The following ASH1L variants were observed in gnomAD, a reference collection of about 807,000 sequenced individuals.
ASH1L encodes the protein ASH1 like histone lysine methyltransferase, also known as histone-lysine N-methyltransferase ASH1L.
A neutral mutation model predicts 269.0 loss-of-function variants in ASH1L; 23 were observed. That is an observed-to-expected ratio of 0.09 (90% CI 0.06 to 0.12). The LOEUF is 0.12. Ranked by LOEUF, ASH1L falls within the 10% of genes least tolerant of loss-of-function variation. ASH1L has a pLI of 1.00. For missense variants in ASH1L, 2,912 were observed against 3,567.8 expected (o/e 0.82, Z 4.68); for synonymous variants, 1,187 against 1,253.5 (o/e 0.95, Z 1.12).
At chr1:155,468,686 G>C (rs77056155) in intron 3 of ASH1L, among the ~76,000 whole-genome samples, 1,550 of 152,150 alleles carry the variant, frequency 0.01, 27 homozygotes, top group African/African-American at 0.035. Context: ...CAACAATATT[G>C]CAATACCTAT....
intron 7 of ASH1L, among the ~76,000 whole-genome samples, chr1:155,395,007 C>T (rs1307369057): frequency 6.6e-6 from 1 of 152,160 alleles, no homozygotes; most frequent in Non-Finnish European, 1.5e-5. Flanking sequence ...AGGATCATGA[C>T]TACACCATAG....
At chr1:155,450,308 C>T (rs926858810) in intron 4 of ASH1L, among the ~76,000 whole-genome samples, 16 of 152,058 alleles carry the variant, frequency 1.1e-4, no homozygotes, top group African/African-American at 3.1e-4. Flanking sequence ...ACGTGGGATT[C>T]GTAGAGTTTC....
intron 15 of ASH1L, among the ~76,000 whole-genome samples, chr1:155,356,792 T>C (rs1654428461): frequency 6.6e-6 from 1 of 151,686 alleles, no homozygotes; most frequent in Admixed American, 6.6e-5. Context: ...ATTTAGAAAT[T>C]AGGGAACATA....
chr1:155,479,219 A>T lies in ASH1L; in HGVS notation c.3651T>A (p.Phe1217Leu). The T allele has an allele frequency of 6.2e-7, 1 of 1,614,056 alleles. No homozygotes were observed. Among genetic ancestry groups the T allele is most frequent in the Non-Finnish European group, 8.5e-7 (1 of 1,179,982 alleles). ...NNSTSDRAEK[F>L]CGQKKRRHSF... The stretch of plus-strand genomic sequence containing the variant: ...AATGCCTCCTCTTTTTTTGCCCACA[A>T]AATTTCTCTGCCCTGTCTGATGTGC... Residue 1217 changes from phenylalanine to leucine, a missense_variant, in exon 3 of 28, where the codon TTT becomes TTA. Physicochemically the swap from Phe to Leu is conservative, Grantham distance 22 (BLOSUM62 0). Transcript: ENST00000392403.
chr1:155,536,265 C>G (rs180992367), intron 1 of ASH1L, among the ~76,000 whole-genome samples: 1 of 152,092 alleles, frequency 6.6e-6, no homozygotes. Context: ...TGAATGAGTA[C>G]GCAGACTGAG....
chr1:155,376,675 C>T (rs1369954818), intron 10 of ASH1L, among the ~76,000 whole-genome samples: 1 of 149,634 alleles, frequency 6.7e-6, no homozygotes, highest in African/African-American at 2.5e-5. Context: ...GCGACTCTGT[C>T]TCAAAAAAAT....
Position 155,395,463 on chromosome 1 carries a change from A to G in ASH1L, c.6099T>C (p.His2033=). Residue 2033 remains histidine (H), a synonymous_variant, in exon 7 of 28, where the codon CAT becomes CAC. Transcript: ENST00000392403. ...TTGTGTGGACTCGGTACTTACCAAC[A>G]TGAATGGGCGCTGGAAATAATCCAT... ...HEYGLFPAPI[H]VGKYLRQKRI... The G allele has an allele frequency of 6.2e-7, 1 of 1,605,088 alleles. No homozygotes were observed. Among genetic ancestry groups the G allele is most frequent in the Non-Finnish European group, 8.5e-7 (1 of 1,176,380 alleles).
intron 6 of ASH1L, among the ~76,000 whole-genome samples, chr1:155,404,335 G>A (rs1016606668): frequency 6.6e-6 from 1 of 152,052 alleles, no homozygotes; most frequent in Non-Finnish European, 1.5e-5. Flanking sequence ...TAGTCTGGAT[G>A]AGAGGTAGAC....
chr1:155,562,188 A>C lies in ASH1L; in HGVS notation c.-135T>G. 6.2e-7 allele frequency: 1 copy of C among 1,603,596 alleles called. No individual in the cohort carries two copies. The highest frequency in any genetic ancestry group is 8.5e-7 in the Non-Finnish European group (1 of 1,171,670). On this transcript the variant is annotated 5_prime_UTR_variant, in exon 1 of 28. Transcript: ENST00000392403. ...GCCGAGGCCGAGGCCGAGAGCGATGAGAGTGCAGGGAAGTGGGGAAGAGGG... is the reference window on the plus strand; with the variant it reads ...GCCGAGGCCGAGGCCGAGAGCGATGCGAGTGCAGGGAAGTGGGGAAGAGGG...
chr1:155,344,966 G>GT (rs944875184), intron 21 of ASH1L, among the ~76,000 whole-genome samples: 53 of 150,322 alleles, frequency 3.5e-4, no homozygotes, highest in Non-Finnish European at 5.8e-4. Context: ...CCTCAGTTTT[G>GT]TTTTTTTTTG....
intron 3 of ASH1L, among the ~76,000 whole-genome samples, chr1:155,465,599 C>T (rs916846601): frequency 6.6e-6 from 1 of 152,148 alleles, no homozygotes; most frequent in Admixed American, 6.5e-5. Flanking sequence ...AAATAATTTA[C>T]TTTAAAAGTT....
At chr1:155,377,507 A>C (rs536651931) in intron 10 of ASH1L, among the ~76,000 whole-genome samples, 119 of 152,122 alleles carry the variant, frequency 7.8e-4, no homozygotes, top group Admixed American at 1.4e-3. Context: ...AGGTAGGAGG[A>C]CTACTTGAGC....
intron 5 of ASH1L, among the ~76,000 whole-genome samples, chr1:155,436,028 G>C (rs925330191): frequency 7.2e-5 from 11 of 152,270 alleles, no homozygotes; most frequent in African/African-American, 2.6e-4. Context: ...TCCAGGCTGG[G>C]TGACAGAGTG....
rs945714262 is a variant in ASH1L at position 155,562,489 on chromosome 1, G to A, written c.-436C>T. The stretch of plus-strand genomic sequence containing the variant: ...GTGGCGGCGGCAGCTCCTCCAGAGG[G>A]AGGGAGCGAAGGGCGCCTAGCGCCC... On this transcript the variant is annotated 5_prime_UTR_variant, in exon 1 of 28. Transcript: ENST00000392403. The A allele has an allele frequency of 2.4e-4, 358 of 1,484,092 alleles. No homozygotes were observed. Among genetic ancestry groups the A allele is most frequent in the Non-Finnish European group, 3.0e-4 (327 of 1,098,396 alleles). 91.9% of individuals were successfully genotyped at this position (1,484,092 alleles called of 1,614,324 possible). A position where few individuals can be genotyped will look rare whatever the true frequency, so the allele number is the denominator to read the frequency against.
At chr1:155,427,072 C>A (rs61425508) in intron 5 of ASH1L, among the ~76,000 whole-genome samples, 1,552 of 151,692 alleles carry the variant, frequency 0.01, 29 homozygotes, top group African/African-American at 0.036. Context: ...GAAATTAAGT[C>A]TTGGGACAAA....
At chr1:155,556,145 G>T (rs1671570734) in intron 1 of ASH1L, among the ~76,000 whole-genome samples, 1 of 152,120 alleles carries the variant, frequency 6.6e-6, no homozygotes, top group East Asian at 1.9e-4. Context: ...ACTTTGGGAG[G>T]CCAAGGTGGG....
intron 1 of ASH1L, among the ~76,000 whole-genome samples, chr1:155,542,078 T>C (rs560330129): frequency 1.3e-5 from 2 of 152,136 alleles, no homozygotes; most frequent in African/African-American, 4.8e-5. Flanking sequence ...AAAGTTAACG[T>C]AGATCAAAAA....
chr1:155,430,394 G>A (rs1661510816), intron 5 of ASH1L, among the ~76,000 whole-genome samples: 1 of 152,156 alleles, frequency 6.6e-6, no homozygotes, highest in Non-Finnish European at 1.5e-5. Flanking sequence ...GTCTGATGCT[G>A]TTCTTGGGGC....
chr1:155,391,754 A>G (rs1299505373), intron 7 of ASH1L, among the ~76,000 whole-genome samples: 1 of 152,144 alleles, frequency 6.6e-6, no homozygotes, highest in South Asian at 2.1e-4. Context: ...CAAGAGTTTG[A>G]GACTAGCCTG....
Sources: gnomAD v4.1 joint callset for allele counts (sites outside exome capture counted in the v4.1 genomes callset) on GRCh38, gnomAD v4.1.1 for gene constraint, MANE v1.5 for transcripts, NCBI Gene and HGNC (gene_info 2026-07-23, HGNC 2026-07-21) for gene names.